The following RMDN1 variants were observed in gnomAD, a reference collection of about 807,000 sequenced individuals.
RMDN1 encodes the protein regulator of microtubule dynamics 1, also known as regulator of microtubule dynamics protein 1.
In RMDN1, 48 loss-of-function variants were observed where a neutral mutation model predicts 48.9. That is an observed-to-expected ratio of 0.98 (90% CI 0.78 to 1.25). RMDN1 has a LOEUF of 1.25. Among genes scored for constraint, RMDN1 ranks in the 50% most tolerant of loss-of-function variants. The pLI, the probability that RMDN1 is intolerant of heterozygous loss-of-function variation, is 0.00. For synonymous variants in RMDN1, 148 were observed against 132.6 expected, an observed-to-expected ratio of 1.12 and a Z score of -0.80; for missense variants, 418 against 373.4, an observed-to-expected ratio of 1.12 and a Z score of -0.98.
In RMDN1 at chr8:86,472,523, A is replaced by G. The variant is rs1183134101; in HGVS notation, c.*1785T>C. ...AGTATACAATAACCTTTTAAAATAC[A>G]GCATCATTAAGTGGGAAACTGAAAG... On this transcript the variant is annotated 3_prime_UTR_variant, in exon 10 of 10. Coordinates refer to ENST00000406452, the MANE Select transcript of RMDN1 (RefSeq NM_016033.3). 1 of 698,708 alleles carries G rather than the reference A, an allele frequency of 1.4e-6. No individual in the cohort carries two copies. The highest frequency in any genetic ancestry group is 2.6e-6 in the Non-Finnish European group (1 of 384,166). The allele number at this position is 698,708 out of a possible 1,614,324, so 43.3% of individuals were successfully genotyped here.
At chr8:86,472,281 G>A (rs1812671494), downstream of RMDN1, 1 of 607,214 alleles carries the variant, frequency 1.6e-6, no homozygotes, top group Non-Finnish European at 2.9e-6. Context: ...AAAACTTTCT[G>A]AGCACCAAAA....
chr8:86,504,370 G>A (rs1818919132), intron 2 of RMDN1: 3 of 1,569,048 alleles, frequency 1.9e-6, no homozygotes, highest in East Asian at 2.2e-5. Flanking sequence ...GTTCTTTAGA[G>A]TATCCAGCTA....
intron 5 of RMDN1, chr8:86,482,904 G>A: frequency 1.0e-6 from 1 of 976,814 alleles, no homozygotes; most frequent in Non-Finnish European, 1.7e-6. Context: ...ACTGACCTCT[G>A]ATACATCTGG....
intron 2 of RMDN1, among the ~76,000 whole-genome samples, chr8:86,489,636 C>G (rs1586681851): frequency 6.6e-6 from 1 of 152,034 alleles, no homozygotes; most frequent in Non-Finnish European, 1.5e-5. Context: ...TTGAGACCAG[C>G]CTAGCCAACA....
chr8:86,506,343 C>T (rs1401350251), intron 2 of RMDN1, among the ~76,000 whole-genome samples: 23 of 151,992 alleles, frequency 1.5e-4, no homozygotes, highest in Non-Finnish European at 2.9e-4. Flanking sequence ...TTTTTCTGAA[C>T]GATTATTATC....
chr8:86,508,457 G>T, intron 1 of RMDN1, 35 bp downstream of exon 1: 6 of 1,534,878 alleles, frequency 3.9e-6, no homozygotes, highest in Non-Finnish European at 5.3e-6. Flanking sequence ...CACTGAGTAG[G>T]AAGTGAGGAG....
At chr8:86,502,224 A>AT (rs908627921) in intron 2 of RMDN1, among the ~76,000 whole-genome samples, 11 of 151,550 alleles carry the variant, frequency 7.3e-5, no homozygotes, top group African/African-American at 7.3e-5. Context: ...GGTTTAACTA[A>AT]TTTTTTTTTA....
downstream of RMDN1, among the ~76,000 whole-genome samples, chr8:86,470,735 T>G (rs146320913): frequency 6.6e-6 from 1 of 152,064 alleles, no homozygotes; most frequent in African/African-American, 2.4e-5. Flanking sequence ...TGATAGAACT[T>G]AGGTCTCAAG....
chr8:86,477,440 T>C, intron 7 of RMDN1, 116 bp from the exon 8 acceptor site: 2 of 789,782 alleles, frequency 2.5e-6, no homozygotes, highest in East Asian at 2.8e-5. Flanking sequence ...AAGTAAATCA[T>C]CTTAAAATAA....
At chr8:86,502,803 C>T (rs1236784665) in intron 2 of RMDN1, among the ~76,000 whole-genome samples, 3 of 152,128 alleles carry the variant, frequency 2.0e-5, no homozygotes, top group Non-Finnish European at 4.4e-5. Flanking sequence ...ATATTTCAGG[C>T]TTTGTGAGCC....
intron 4 of RMDN1, 27 bp from the exon 5 acceptor site, chr8:86,484,988 A>G: frequency 7.8e-7 from 1 of 1,280,336 alleles, no homozygotes; most frequent in South Asian, 1.3e-5. Context: ...GTGTAAGAAC[A>G]ATAATATTCT....
At chr8:86,493,573 G>A (rs1401489285) in intron 2 of RMDN1, among the ~76,000 whole-genome samples, 1 of 151,218 alleles carries the variant, frequency 6.6e-6, no homozygotes, top group Non-Finnish European at 1.5e-5. Context: ...AGGACATGAT[G>A]TTAAGTGAAA....
At chr8:86,507,231 G>C in intron 1 of RMDN1, 119 bp from the exon 2 acceptor site, 2 of 606,172 alleles carry the variant, frequency 3.3e-6, no homozygotes. Flanking sequence ...AATACTGGAA[G>C]CTTAAAAATT....
intron 2 of RMDN1, among the ~76,000 whole-genome samples, chr8:86,506,756 G>T (rs10107571): frequency 0.23 from 34,523 of 151,986 alleles, 4,156 homozygotes; most frequent in Non-Finnish European, 0.27. Flanking sequence ...CTATGGAGTG[G>T]GGTTTAGCTG....
chr8:86,474,993 T>C lies in RMDN1; in HGVS notation c.761-40A>G. ...GAAAAAATGATCTCAGAGGAAACAG[T>C]GTTGCTTTTATTTTTAAAGGTTTGT... is the stretch of plus-strand genomic sequence containing the variant. On this transcript the variant is annotated intron_variant, in intron 8 of 9. Transcript: ENST00000406452. 2.0e-6 allele frequency: 3 copies of C among 1,524,738 alleles called. No individual in the cohort carries two copies. In the South Asian group the frequency reaches 4.0e-5, roughly 20 times the overall value. 94.5% of individuals were successfully genotyped at this position (1,524,738 alleles called of 1,614,324 possible).
In RMDN1 at chr8:86,488,590, T is replaced by C. The variant is rs780462572; in HGVS notation, c.297A>G (p.Thr99=). ...QADYLYESGE[T]EKLYQLLTQY... ...GGGTTAGCAACTGATAAAGTTTTTCTGTTTCTCCGCTTTCATACAGGTAGT... is the reference window on the plus strand; with the variant it reads ...GGGTTAGCAACTGATAAAGTTTTTCCGTTTCTCCGCTTTCATACAGGTAGT... The change falls in exon 3 of 10, where the codon ACA becomes ACG. Residue 99 remains threonine (T), a synonymous_variant. Coordinates refer to ENST00000406452, the MANE Select transcript of RMDN1 (RefSeq NM_016033.3). The C allele has an allele frequency of 3.0e-5, 49 of 1,611,430 alleles. No individual in the cohort carries two copies. Among genetic ancestry groups the C allele is most frequent in the Non-Finnish European group, 3.8e-5 (45 of 1,178,836 alleles).
At chr8:86,496,855 C>T (rs9773093) in intron 2 of RMDN1, among the ~76,000 whole-genome samples, 76,617 of 151,716 alleles carry the variant, frequency 0.51, 19,775 homozygotes, top group Admixed American at 0.61. Context: ...CACCTGAGCA[C>T]GGCACACACT....
At position 86,482,566 on chromosome 8, in the gene RMDN1, A is replaced by C. The variant is rs111857927; in HGVS notation, c.586-2234T>G. On this transcript the variant is annotated intron_variant, in intron 5 of 9. Transcript: ENST00000406452. ...TGTCATCTTCTTGCCTGTCAAATTC[A>C]CTAAGAAGTTAATGAGTGAGTTTTT... 521 of 740,932 alleles carry C rather than the reference A, an allele frequency of 7.0e-4. 1 individual carries two copies. The African/African-American group carries it at 8.2e-3, about 12-fold the overall frequency. The allele number at this position is 740,932 out of a possible 1,614,324, so 45.9% of individuals were successfully genotyped here. A position where few individuals can be genotyped will look rare whatever the true frequency, so the allele number is the denominator to read the frequency against.
At chr8:86,499,532 T>C (rs1315365086) in intron 2 of RMDN1, among the ~76,000 whole-genome samples, 2 of 151,956 alleles carry the variant, frequency 1.3e-5, no homozygotes, top group African/African-American at 2.4e-5. Context: ...GAAAAGGAAA[T>C]CAGAGATGAC....
Sources: gnomAD v4.1 joint callset for allele counts (sites outside exome capture counted in the v4.1 genomes callset) on GRCh38, gnomAD v4.1.1 for gene constraint, MANE v1.5 for transcripts, NCBI Gene and HGNC (gene_info 2026-07-23, HGNC 2026-07-21) for gene names.